Variants in DDX4 observed in about 807,000 individuals in gnomAD.
DDX4 encodes probable ATP-dependent RNA helicase DDX4.
DDX4 carries 25 observed loss-of-function variants against 100.0 expected under a neutral mutation model. That is an observed-to-expected ratio of 0.25 (90% CI 0.18 to 0.35). DDX4 has a LOEUF of 0.35. DDX4 is among the 10% of genes least tolerant of loss of function. The pLI is 1.00. For missense variants in DDX4, 635 were observed against 882.4 expected, an observed-to-expected ratio of 0.72 and a Z score of 3.55; for synonymous variants, 259 against 275.7, an observed-to-expected ratio of 0.94 and a Z score of 0.60.
intron 2 of DDX4, chr5:55,741,930 C>A (rs958220851): frequency 4.0e-5 from 10 of 250,424 alleles, no homozygotes; most frequent in African/African-American, 2.2e-4. Context: ...AAAAGCTGGC[C>A]TTCTCTTTTA....
intron 10 of DDX4, among the ~76,000 whole-genome samples, chr5:55,783,854 T>TAA (rs1742083112): frequency 6.7e-5 from 10 of 148,830 alleles, no homozygotes; most frequent in Admixed American, 5.3e-4. Context: ...TTTTTTTTTT[T>TAA]AATACTTTAA....
intron 6 of DDX4, chr5:55,766,816 G>A: frequency 8.1e-7 from 1 of 1,232,994 alleles, no homozygotes; most frequent in East Asian, 2.7e-5. Flanking sequence ...AACCATCTTT[G>A]TATTCCCAAA....
chr5:55,738,756 G>A (rs1371517368), intron 1 of DDX4, among the ~76,000 whole-genome samples, 194 bp from the exon 2 acceptor site: 7 of 152,160 alleles, frequency 4.6e-5, no homozygotes, highest in Non-Finnish European at 1.0e-4. Context: ...AGTTTCTAAA[G>A]CTAAGAAAGG....
chr5:55,799,658 A>C (rs1433642579), intron 18 of DDX4, among the ~76,000 whole-genome samples: 4 of 152,154 alleles, frequency 2.6e-5, no homozygotes, highest in Non-Finnish European at 4.4e-5. Context: ...TTACAGGTGT[A>C]AGCCACCATT....
Position 55,784,708 on chromosome 5 carries a change from A to G in DDX4, c.626-589A>G, listed in dbSNP as rs187474074. On this transcript the variant is annotated intron_variant, in intron 10 of 21. Coordinates refer to ENST00000505374, the MANE Select transcript of DDX4 (RefSeq NM_024415.3). ...AAGGTGAGTACATTATTAGCCCCTA[A>G]TAAAAACCCTGGGTACTGAGTCTCT... Among the ~76,000 whole-genome samples the G allele has an allele frequency of 9.2e-5, 14 of 152,254 alleles. No individual in the cohort carries two copies. In the East Asian group the frequency reaches 2.5e-3, roughly 27 times the overall value.
At chr5:55,764,339 G>C (rs1740757192) in intron 6 of DDX4, among the ~76,000 whole-genome samples, 1 of 152,120 alleles carries the variant, frequency 6.6e-6, no homozygotes, top group Non-Finnish European at 1.5e-5. Flanking sequence ...ATAATAAAAA[G>C]AAGTAGTCAA....
chr5:55,792,391 C>T (rs569432782), intron 16 of DDX4, among the ~76,000 whole-genome samples: 6 of 150,070 alleles, frequency 4.0e-5, no homozygotes, highest in African/African-American at 9.8e-5. Flanking sequence ...GACGGAGTCT[C>T]GCTATGTTGC....
chr5:55,788,636 CATA>C (rs1302866649), intron 15 of DDX4, among the ~76,000 whole-genome samples: 1 of 151,980 alleles, frequency 6.6e-6, no homozygotes, highest in African/African-American at 2.4e-5. Context: ...ATTCTTATTT[CATA>C]ATAAGAACTG....
At chr5:55,746,838 A>G (rs1271423354) in intron 3 of DDX4, among the ~76,000 whole-genome samples, 4 of 152,108 alleles carry the variant, frequency 2.6e-5, no homozygotes, top group African/African-American at 9.7e-5. Context: ...AGATGGGAAG[A>G]TGGGTGGAAG....
intron 18 of DDX4, 68 bp downstream of exon 18, chr5:55,798,639 C>A: frequency 7.1e-7 from 1 of 1,414,566 alleles, no homozygotes; most frequent in Non-Finnish European, 9.5e-7. Context: ...TAAAAAATCA[C>A]TAAAGAATTG....
Position 55,813,699 on chromosome 5 carries a change from G to A in DDX4, c.1642G>A (p.Glu548Lys), listed in dbSNP as rs918294491. The A allele has an allele frequency of 2.5e-6, 4 of 1,595,730 alleles. No homozygotes were observed. The African/African-American group carries it at 5.4e-5, about 22-fold the overall frequency. The change falls in exon 19 of 22, where the codon GAA becomes AAA. Residue 548 changes from glutamate to lysine, a missense_variant. Physicochemically the swap from Glu to Lys is moderately conservative, Grantham distance 56. This residue lies in a region of DDX4 where 115 missense variants were observed against 224.7 expected (regional missense o/e 0.51). Transcript: ENST00000505374. ...GGATGAAAGAACTATGGTCTTTGTT[G>A]AAACTAAGAAAAAAGCAGATTTTAT... ...IGDERTMVFV[E>K]TKKKADFIAT...
chr5:55,746,058 T>C (rs531732222), intron 2 of DDX4, 106 bp from the exon 3 acceptor site: 27 of 828,094 alleles, frequency 3.3e-5, no homozygotes, highest in Middle Eastern at 3.3e-4. Flanking sequence ...ATCATTATTT[T>C]GTTCTGAACA....
chr5:55,784,070 A>G (rs1307753898), intron 10 of DDX4, among the ~76,000 whole-genome samples: 1 of 151,876 alleles, frequency 6.6e-6, no homozygotes, highest in Middle Eastern at 3.2e-3. Flanking sequence ...TCTCCCACTT[A>G]TGAGTGAGAA....
At chr5:55,746,046 CTA>C (rs1290999641) in intron 2 of DDX4, 116 bp from the exon 3 acceptor site, 1 of 740,978 alleles carries the variant, frequency 1.3e-6, no homozygotes, top group Admixed American at 2.9e-5. Context: ...ACCTTACAGT[CTA>C]TCATTATTTT....
intron 2 of DDX4, among the ~76,000 whole-genome samples, chr5:55,743,021 CTT>C (rs1178077099): frequency 6.6e-6 from 1 of 152,094 alleles, no homozygotes; most frequent in Non-Finnish European, 1.5e-5. Context: ...AGGGAACAAA[CTT>C]GGGGTATTAG....
At chr5:55,806,950 A>G (rs1032429075) in intron 18 of DDX4, among the ~76,000 whole-genome samples, 129 of 152,136 alleles carry the variant, frequency 8.5e-4, no homozygotes, top group African/African-American at 3.0e-3. Flanking sequence ...TTATTGTGTG[A>G]GAGTCTAAGT....
At chr5:55,779,137 G>A (rs1039086110) in intron 7 of DDX4, among the ~76,000 whole-genome samples, 1 of 152,014 alleles carries the variant, frequency 6.6e-6, no homozygotes, top group Non-Finnish European at 1.5e-5. Context: ...TCTTAATCTG[G>A]GCAGTGGAGA....
chr5:55,748,340 T>C (rs1759356421), intron 3 of DDX4, among the ~76,000 whole-genome samples: 1 of 152,180 alleles, frequency 6.6e-6, no homozygotes, highest in African/African-American at 2.4e-5. Flanking sequence ...TTACATCGAT[T>C]GCTGTGTAAT....
intron 7 of DDX4, among the ~76,000 whole-genome samples, chr5:55,768,682 AC>A (rs1268474610): frequency 3.2e-4 from 49 of 152,262 alleles, no homozygotes; most frequent in African/African-American, 1.2e-3. Flanking sequence ...GTTCTGTTTT[AC>A]GTTCTTTGAG....
Sources: allele counts gnomAD v4.1 joint callset (sites outside exome capture counted in the v4.1 genomes callset), GRCh38; gene constraint gnomAD v4.1.1; regional missense constraint gnomAD v4.1.1; transcripts MANE v1.5; gene names NCBI Gene and HGNC (gene_info 2026-07-23, HGNC 2026-07-21).